The following CD96 variants were observed in gnomAD, a reference collection of about 807,000 sequenced individuals.
The protein encoded by CD96 is T-cell surface protein tactile.
Under a neutral mutation model 71.3 loss-of-function variants are expected in CD96, and 70 were observed. That is an observed-to-expected ratio of 0.98 (90% confidence interval 0.81 to 1.20). The LOEUF is 1.20. CD96 is among the 50% of genes most tolerant of loss of function. CD96 has a pLI of 0.00. For missense variants in CD96, 742 were observed against 677.5 expected (o/e 1.10, Z -1.06); for synonymous variants, 248 against 233.0 (o/e 1.06, Z -0.59).
At chr3:111,665,073 A>G (rs1037766554) in intron 14 of CD96, among the ~76,000 whole-genome samples, 3 of 152,212 alleles carry the variant, frequency 2.0e-5, no homozygotes, top group African/African-American at 7.2e-5. Context: ...ACATGCATGT[A>G]TAGATATACA....
intron 4 of CD96, among the ~76,000 whole-genome samples, chr3:111,583,639 C>T (rs138688200): frequency 4.9e-4 from 75 of 152,374 alleles, no homozygotes; most frequent in Non-Finnish European, 5.7e-4. Flanking sequence ...TCTCTGCACG[C>T]ACAGGCTCAA....
intron 12 of CD96, among the ~76,000 whole-genome samples, chr3:111,639,334 C>G (rs1190818386): frequency 6.6e-6 from 1 of 151,712 alleles, no homozygotes; most frequent in Admixed American, 6.6e-5. Flanking sequence ...TGTAGGAGTT[C>G]GGTGAGGCCT....
At chr3:111,613,291 C>A (rs1001003347) in intron 8 of CD96, among the ~76,000 whole-genome samples, 1 of 152,136 alleles carries the variant, frequency 6.6e-6, no homozygotes, top group African/African-American at 2.4e-5. Context: ...TGAGCTCTGT[C>A]CTGCTTACTG....
intron 14 of CD96, among the ~76,000 whole-genome samples, chr3:111,662,385 A>T (rs747915031): frequency 1.3e-5 from 2 of 152,084 alleles, no homozygotes; most frequent in Non-Finnish European, 2.9e-5. Flanking sequence ...ACTTATGCAA[A>T]CTTCTGCAGC....
intron 3 of CD96, chr3:111,577,617 T>C: frequency 1.0e-6 from 1 of 982,022 alleles, no homozygotes; most frequent in African/African-American, 1.6e-5. Context: ...AACACAATAC[T>C]ATCTGTATGT....
At chr3:111,612,905 C>T (rs904819492) in intron 8 of CD96, 43 of 678,970 alleles carry the variant, frequency 6.3e-5, no homozygotes, top group African/African-American at 4.5e-4. Context: ...GAAACCCCTC[C>T]TGCATCTGTA....
chr3:111,634,365 G>C (rs748983790), intron 10 of CD96: 2 of 152,158 alleles, frequency 1.3e-5, no homozygotes, highest in African/African-American at 2.4e-5. Flanking sequence ...CTCAAGGAAG[G>C]ATATAATAAT....
chr3:111,545,027 T>C lies in CD96; in HGVS notation c.62-19T>C. The C allele has an allele frequency of 6.3e-7, 1 of 1,584,086 alleles. No individual in the cohort carries two copies. The highest frequency in any genetic ancestry group is 1.3e-5 in the African/African-American group (1 of 74,484). ...TATGTGAATTATTTAAACTCATGGC[T>C]CATGTTCTTTCTTTTCAGGAGTTTG... On this transcript the variant is annotated intron_variant, in intron 1 of 13. Transcript: ENST00000352690.
intron 4 of CD96, among the ~76,000 whole-genome samples, chr3:111,583,321 C>G (rs1054760009): frequency 1.3e-5 from 2 of 152,224 alleles, no homozygotes; most frequent in Non-Finnish European, 2.9e-5. Context: ...GGTACAGCCT[C>G]CCTCCTGGCT....
At chr3:111,562,381 A>G (rs369994097) in intron 2 of CD96, among the ~76,000 whole-genome samples, 30 of 152,048 alleles carry the variant, frequency 2.0e-4, no homozygotes, top group Non-Finnish European at 4.0e-4. Flanking sequence ...ACATTAAAAA[A>G]TATATATATA....
In CD96 at chr3:111,558,106, G is replaced by A. The variant is rs1454777244; in HGVS notation, c.419-9417G>A. Among the ~76,000 whole-genome samples the A allele has an allele frequency of 4.3e-3, 618 of 144,250 alleles. 6 individuals are homozygous for A. Among genetic ancestry groups the A allele is most frequent in the African/African-American group, 0.015 (582 of 38,358 alleles). The allele number at this position is 144,250 out of a possible 152,430, so 94.6% of individuals were successfully genotyped here. A position where few individuals can be genotyped will look rare whatever the true frequency, so the allele number is the denominator to read the frequency against. On this transcript the variant is annotated intron_variant, in intron 2 of 13. Coordinates refer to ENST00000352690, the MANE Select transcript of CD96 (RefSeq NM_005816.5). ...GCTTATCAGCTTAAGGAGATTTTGG[G>A]CTGAGACAATGGGGTTTTCTAGATA... is the stretch of plus-strand genomic sequence containing the variant.
chr3:111,600,562 A>G (rs1937446932), intron 6 of CD96, among the ~76,000 whole-genome samples, 164 bp from the exon 7 acceptor site: 1 of 152,250 alleles, frequency 6.6e-6, no homozygotes, highest in Non-Finnish European at 1.5e-5. Context: ...AAACAGCTCA[A>G]GTTAATTTCA....
At chr3:111,624,528 C>A in intron 10 of CD96, 124 bp downstream of exon 10, 1 of 719,376 alleles carries the variant, frequency 1.4e-6, no homozygotes. Context: ...AAGCATCTAT[C>A]ATGTTTAAAG....
At chr3:111,580,357 C>G (rs1936408887) in intron 4 of CD96, among the ~76,000 whole-genome samples, 1 of 152,158 alleles carries the variant, frequency 6.6e-6, no homozygotes, top group Non-Finnish European at 1.5e-5. Context: ...TGAAGGGAAG[C>G]CTCTGCCTTT....
At chr3:111,564,026 C>G (rs1221342957) in intron 2 of CD96, among the ~76,000 whole-genome samples, 2 of 152,078 alleles carry the variant, frequency 1.3e-5, no homozygotes, top group African/African-American at 4.8e-5. Context: ...TGGCAGAGGA[C>G]TGCTATCAAA....
intron 3 of CD96, chr3:111,570,627 A>C: frequency 6.3e-7 from 1 of 1,594,562 alleles, no homozygotes. Flanking sequence ...CACCAGGCGC[A>C]TGGCAGCTCA....
chr3:111,639,825 AG>A, intron 12 of CD96, among the ~76,000 whole-genome samples: 1 of 152,290 alleles, frequency 6.6e-6, no homozygotes, highest in South Asian at 2.1e-4. Flanking sequence ...GACAACCTCC[AG>A]TACCAGCCTC....
chr3:111,613,897 C>T (rs924978485), intron 8 of CD96, among the ~76,000 whole-genome samples: 1 of 152,168 alleles, frequency 6.6e-6, no homozygotes, highest in Admixed American at 6.5e-5. Context: ...TACCTTTGTA[C>T]TTGGTTGATT....
chr3:111,638,206 T>C, intron 12 of CD96, 38 bp downstream of exon 12: 3 of 1,196,526 alleles, frequency 2.5e-6, no homozygotes, highest in Non-Finnish European at 2.5e-6. Context: ...TTTTATGCTT[T>C]ATTCACTCAA....
Sources: gnomAD v4.1 joint callset for allele counts (sites outside exome capture counted in the v4.1 genomes callset) on GRCh38, gnomAD v4.1.1 for gene constraint, MANE v1.5 for transcripts, NCBI Gene and HGNC (gene_info 2026-07-23, HGNC 2026-07-21) for gene names.